DRAM1: variants seen among roughly 807,000 people sequenced by gnomAD.
DRAM1 encodes DNA damage-regulated autophagy modulator protein 1.
DRAM1 carries 25 observed loss-of-function variants against 28.5 expected under a neutral mutation model. The ratio of observed to expected loss-of-function variants is 0.88; its 90% CI spans 0.64 to 1.23. DRAM1 has a LOEUF of 1.23. Among genes scored for constraint, DRAM1 ranks in the 50% most tolerant of loss-of-function variants. The pLI, the probability that DRAM1 is intolerant of heterozygous loss-of-function variation, is 0.00. For synonymous variants in DRAM1, 113 were observed against 114.2 expected, an observed-to-expected ratio of 0.99 and a Z score of 0.07; for missense variants, 249 against 299.2, an observed-to-expected ratio of 0.83 and a Z score of 1.24.
At chr12:101,906,159 A>G (rs1873799879) in intron 3 of DRAM1, among the ~76,000 whole-genome samples, 1 of 152,222 alleles carries the variant, frequency 6.6e-6, no homozygotes, top group Non-Finnish European at 1.5e-5. Context: ...ATTTGAATAT[A>G]ACACCAATCA....
rs147899394 is a variant in DRAM1 at position 101,911,964 on chromosome 12, C to T, written c.521-2210C>T. On this transcript the variant is annotated intron_variant, in intron 4 of 6. Coordinates refer to ENST00000258534, the MANE Select transcript of DRAM1 (RefSeq NM_018370.3). ...CTGTAATCCCAGCATTTTGGGAGGC[C>T]GAGGTGGGCAGATCATTTGAGGTCA... Among the ~76,000 whole-genome samples, 27 of 152,082 alleles carry T rather than the reference C, an allele frequency of 1.8e-4. No individual in the cohort carries two copies. The East Asian group carries it at 3.9e-3, about 22-fold the overall frequency.
intron 1 of DRAM1, among the ~76,000 whole-genome samples, chr12:101,881,802 A>G (rs1290141219): frequency 6.6e-6 from 1 of 152,170 alleles, no homozygotes; most frequent in African/African-American, 2.4e-5. Flanking sequence ...CTCCATATCC[A>G]GTCTTATTAT....
intron 1 of DRAM1, among the ~76,000 whole-genome samples, chr12:101,881,599 CCTT>C (rs1872689694): frequency 6.6e-6 from 1 of 152,222 alleles, no homozygotes; most frequent in Non-Finnish European, 1.5e-5. Flanking sequence ...AAGCACCCGT[CCTT>C]CTCAAGACCT....
At chr12:101,913,007 TG>T (rs1455859079) in intron 4 of DRAM1, among the ~76,000 whole-genome samples, 6 of 152,106 alleles carry the variant, frequency 3.9e-5, no homozygotes, top group Admixed American at 3.9e-4. Context: ...GGATTACAGG[TG>T]TGAGCCACTG....
At chr12:101,892,169 A>C (rs4764660) in intron 1 of DRAM1, among the ~76,000 whole-genome samples, 1 of 151,690 alleles carries the variant, frequency 6.6e-6, no homozygotes, top group Non-Finnish European at 1.5e-5. Context: ...TAATATATAA[A>C]ATCAGACGTG....
Position 101,921,462 on chromosome 12 carries a change from A to G in DRAM1, c.*202A>G, listed in dbSNP as rs184505551. On this transcript the variant is annotated 3_prime_UTR_variant, in exon 7 of 7. Coordinates refer to ENST00000258534, the MANE Select transcript of DRAM1 (RefSeq NM_018370.3). Reference sequence around the variant, plus strand: ...AGAATGTACAGCCTTATGACACTGTAGTGATGTTTTTATAATTTTCTAAGT... The same window carrying G: ...AGAATGTACAGCCTTATGACACTGTGGTGATGTTTTTATAATTTTCTAAGT... The G allele has an allele frequency of 2.8e-4, 116 of 418,280 alleles. No homozygotes were observed. The Admixed American group carries it at 2.9e-3, about 10-fold the overall frequency. The allele number at this position is 418,280 out of a possible 1,614,324, so 25.9% of individuals were successfully genotyped here.
chr12:101,919,985 C>A, intron 5 of DRAM1, 124 bp from the exon 6 acceptor site: 1 of 561,630 alleles, frequency 1.8e-6, no homozygotes, highest in Non-Finnish European at 2.9e-6. Context: ...CGTATATCCT[C>A]AAAGTTCTGA....
intron 5 of DRAM1, among the ~76,000 whole-genome samples, chr12:101,919,059 C>G (rs1295762153): frequency 1.3e-5 from 2 of 151,832 alleles, no homozygotes; most frequent in Non-Finnish European, 2.9e-5. Context: ...GTAGCTGGGA[C>G]TGCAGGCGCA....
In DRAM1 at chr12:101,904,181, G is replaced by A. The variant is rs1285556051; in HGVS notation, c.342+2748G>A. On this transcript the variant is annotated intron_variant, in intron 3 of 6. Coordinates refer to ENST00000258534, the MANE Select transcript of DRAM1 (RefSeq NM_018370.3). ...TTTTGTATTTTTTTTTAGTAGAGAT[G>A]GCGTTTCGCCATGTTGGCCAGGCAT... Among the ~76,000 whole-genome samples, 3 of 151,748 alleles carry A rather than the reference G, an allele frequency of 2.0e-5. No homozygotes were observed. The East Asian group carries it at 5.8e-4, about 29-fold the overall frequency.
intron 1 of DRAM1, among the ~76,000 whole-genome samples, chr12:101,880,034 GCTT>G (rs1872637423): frequency 1.3e-5 from 2 of 150,814 alleles, no homozygotes; most frequent in African/African-American, 4.9e-5. Context: ...CTGCAGTGCT[GCTT>G]CTTTTGTTTG....
At chr12:101,914,485 CT>C (rs553791665) in intron 5 of DRAM1, among the ~76,000 whole-genome samples, 254 of 137,372 alleles carry the variant, frequency 1.8e-3, no homozygotes, top group Middle Eastern at 3.6e-3. Flanking sequence ...TCTTCTTCTT[CT>C]TTTTTTTTTT....
chr12:101,897,701 CA>C (rs1179188362), intron 1 of DRAM1, among the ~76,000 whole-genome samples, 161 bp from the exon 2 acceptor site: 1 of 151,926 alleles, frequency 6.6e-6, no homozygotes, highest in Non-Finnish European at 1.5e-5. Context: ...TTTTCAGAGC[CA>C]AAATGAAAAT....
At chr12:101,913,181 A>G (rs535290323) in intron 4 of DRAM1, among the ~76,000 whole-genome samples, 1 of 152,270 alleles carries the variant, frequency 6.6e-6, no homozygotes, top group African/African-American at 2.4e-5. Flanking sequence ...AGCCCCTGGC[A>G]TTATTAGGCT....
intron 1 of DRAM1, among the ~76,000 whole-genome samples, chr12:101,887,537 T>A (rs1872930809): frequency 6.7e-6 from 1 of 148,780 alleles, no homozygotes. Context: ...TTTTTCTTTT[T>A]CTTTTTTTTT....
chr12:101,888,567 G>T (rs1311297721), intron 1 of DRAM1, among the ~76,000 whole-genome samples: 3 of 152,114 alleles, frequency 2.0e-5, no homozygotes, highest in Admixed American at 6.6e-5. Flanking sequence ...TTAACTGAGG[G>T]TGATGGATGG....
At chr12:101,920,076 C>A in intron 5 of DRAM1, 33 bp from the exon 6 acceptor site, 1 of 1,482,298 alleles carries the variant, frequency 6.7e-7, no homozygotes, top group Non-Finnish European at 9.2e-7. Context: ...GAGTCTTTTT[C>A]GGCTAAATTC....
chr12:101,895,188 T>TTTTTTTTTTTTTG (rs1566123812), intron 1 of DRAM1, among the ~76,000 whole-genome samples: 1 of 38,084 alleles, frequency 2.6e-5, no homozygotes, highest in Non-Finnish European at 5.0e-5. Flanking sequence ...CCCTTCAGGT[T>TTTTTTTTTTTTTG]TTTTTTTTTT....
At chr12:101,878,910 T>C (rs1872592468) in intron 1 of DRAM1, among the ~76,000 whole-genome samples, 1 of 126,346 alleles carries the variant, frequency 7.9e-6, no homozygotes, top group African/African-American at 2.6e-5. Flanking sequence ...GTTTGTTTGT[T>C]TTTTTCCTTT....
chr12:101,897,193 C>T (rs1034706314), intron 1 of DRAM1, among the ~76,000 whole-genome samples: 7 of 133,456 alleles, frequency 5.2e-5, no homozygotes, highest in African/African-American at 1.6e-4. Flanking sequence ...AATTTTCAAA[C>T]GCGATTTATT....
Sources: allele counts gnomAD v4.1 joint callset (sites outside exome capture counted in the v4.1 genomes callset), GRCh38; gene constraint gnomAD v4.1.1; transcripts MANE v1.5; gene names NCBI Gene and HGNC (gene_info 2026-07-23, HGNC 2026-07-21).